The following ATAD2B variants were observed in gnomAD, a reference collection of about 807,000 sequenced individuals.
ATAD2B encodes the protein ATPase family AAA domain-containing protein 2B.
Under a neutral mutation model 167.6 loss-of-function variants are expected in ATAD2B, and 40 were observed. The ratio of observed to expected loss-of-function variants is 0.24; its 90% CI spans 0.19 to 0.31. ATAD2B has a LOEUF of 0.31. ATAD2B is among the 10% of genes least tolerant of loss of function. The pLI, the probability that ATAD2B is intolerant of heterozygous loss-of-function variation, is 1.00. For missense variants in ATAD2B, 1,242 were observed against 1,757.2 expected (o/e 0.71, Z 5.24); for synonymous variants, 579 against 596.5 (o/e 0.97, Z 0.43).
At chr2:23,725,091 T>C in the ATAD2B span, among the ~76,000 whole-genome samples, 1 of 143,324 alleles carries the variant, frequency 7.0e-6, no homozygotes, top group African/African-American at 2.6e-5. Context: ...ATGCATTATA[T>C]ATAAATCATA....
chr2:23,696,252 C>T, the ATAD2B span: 3 of 1,491,392 alleles, frequency 2.0e-6, no homozygotes, highest in Middle Eastern at 2.1e-4. This position sits in a 1 kb window ranked among gnomAD's most constrained non-coding sequence, Gnocchi z 5.5. Context: ...TGAAGCCTTC[C>T]TCTGCCCCTG....
the ATAD2B span, among the ~76,000 whole-genome samples, chr2:23,710,507 A>G: frequency 6.6e-6 from 1 of 152,204 alleles, no homozygotes; most frequent in African/African-American, 2.4e-5. Context: ...TTTAGAGAGC[A>G]GTGAGGCAGA....
At chr2:23,836,808 A>G (rs1690056824) in intron 13 of ATAD2B, among the ~76,000 whole-genome samples, 2 of 151,954 alleles carry the variant, frequency 1.3e-5, no homozygotes, top group Non-Finnish European at 2.9e-5. Context: ...GGTCCTCCTG[A>G]TGTCCACTTA....
intron 26 of ATAD2B, 24 bp downstream of exon 26, chr2:23,754,623 T>C: frequency 6.2e-7 from 1 of 1,602,542 alleles, no homozygotes; most frequent in Middle Eastern, 1.7e-4. Flanking sequence ...CATTTAAAAC[T>C]TGACTGGGAA....
the ATAD2B span, among the ~76,000 whole-genome samples, chr2:23,714,085 T>A: frequency 5.0e-4 from 76 of 152,292 alleles, no homozygotes; most frequent in African/African-American, 1.7e-3. Context: ...GGTCCAAGTT[T>A]TCTTCTCTTC....
intron 14 of ATAD2B, among the ~76,000 whole-genome samples, chr2:23,830,719 A>C (rs1688914714): frequency 6.6e-6 from 1 of 152,164 alleles, no homozygotes; most frequent in South Asian, 2.1e-4. Flanking sequence ...ATACTAAAAA[A>C]AGAAGGTCCA....
the ATAD2B span, chr2:23,696,097 A>G: frequency 6.4e-7 from 1 of 1,551,786 alleles, no homozygotes; most frequent in East Asian, 2.4e-5. This position sits in a 1 kb window ranked among gnomAD's most constrained non-coding sequence, Gnocchi z 5.5. Context: ...CGAGTTCTTC[A>G]GTGTAGTGAG....
the ATAD2B span, among the ~76,000 whole-genome samples, chr2:23,721,659 C>T: frequency 1.3e-5 from 2 of 152,130 alleles, no homozygotes; most frequent in Non-Finnish European, 2.9e-5. Context: ...ACCCAGAAGA[C>T]AGACTCCAGG....
intron 22 of ATAD2B, among the ~76,000 whole-genome samples, chr2:23,768,735 C>T (rs1023725911): frequency 1.3e-5 from 2 of 152,130 alleles, no homozygotes; most frequent in African/African-American, 2.4e-5. Context: ...ATTATATATA[C>T]GAGTGGAATC....
the ATAD2B span, chr2:23,703,743 C>A: frequency 1.2e-5 from 18 of 1,537,096 alleles, no homozygotes; most frequent in Non-Finnish European, 1.5e-5. Context: ...CCCGCTGTCA[C>A]GCTCAATGGC....
the ATAD2B span, among the ~76,000 whole-genome samples, chr2:23,720,594 A>AAAAAG: frequency 1.3e-5 from 2 of 150,224 alleles, no homozygotes; most frequent in African/African-American, 2.4e-5. Flanking sequence ...AAAAAAAAAA[A>AAAAAG]GTTAAGAGGG....
chr2:23,917,685 G>C (rs117430390), intron 1 of ATAD2B, among the ~76,000 whole-genome samples: 103 of 151,920 alleles, frequency 6.8e-4, no homozygotes, highest in East Asian at 6.0e-3. Flanking sequence ...CCAGCTACTC[G>C]GCAGGCTGAG....
intron 1 of ATAD2B, among the ~76,000 whole-genome samples, chr2:23,920,054 G>A (rs1228338492): frequency 6.6e-6 from 1 of 151,878 alleles, no homozygotes. Flanking sequence ...AGGAGGCTGA[G>A]GCAGGAGAAT....
intron 2 of ATAD2B, among the ~76,000 whole-genome samples, chr2:23,889,237 G>A (rs1233325565): frequency 1.3e-5 from 2 of 151,968 alleles, no homozygotes; most frequent in Admixed American, 6.6e-5. Flanking sequence ...GCGCGATCTC[G>A]GCTTACTGCT....
At chr2:23,909,020 T>C (rs1332728148) in intron 1 of ATAD2B, among the ~76,000 whole-genome samples, 5 of 148,242 alleles carry the variant, frequency 3.4e-5, no homozygotes, top group Non-Finnish European at 7.5e-5. Context: ...TTGGGAGATA[T>C]ACCTAATGCT....
At chr2:23,763,881 C>G (rs988719002) in intron 23 of ATAD2B, among the ~76,000 whole-genome samples, 2 of 152,194 alleles carry the variant, frequency 1.3e-5, no homozygotes, top group Non-Finnish European at 2.9e-5. Context: ...CGTGAGCCAC[C>G]ATGTTCAGCC....
intron 9 of ATAD2B, 92 bp downstream of exon 9, chr2:23,869,571 G>A: frequency 2.4e-6 from 2 of 847,122 alleles, no homozygotes; most frequent in Non-Finnish European, 3.9e-6. Context: ...TAAAATATGT[G>A]TTGAATATCA....
chr2:23,758,081 T>C lies in ATAD2B; in HGVS notation c.3415A>G (p.Arg1139Gly). Residue 1139 changes from arginine to glycine, a missense_variant, in exon 25 of 28, where the codon AGG becomes GGG. Arg to Gly is a moderately radical substitution (Grantham distance 125). Around this residue, in one of 9 missense-constraint regions of ATAD2B, gnomAD observed 204 missense variants for 324.0 expected, o/e 0.63. Coordinates refer to ENST00000238789, the MANE Select transcript of ATAD2B (RefSeq NM_017552.4). ...KCAFRVRRKS[R>G]RRSQWGKGII... ...CCTTTACCCCACTGTGATCTCCGCC[T>C]TGATTTTCTCCGAACCCGAACTGTT... The C allele has an allele frequency of 6.3e-7, 1 of 1,579,668 alleles. No individual in the cohort carries two copies. The highest frequency in any genetic ancestry group is 8.5e-7 in the Non-Finnish European group (1 of 1,171,594).
At chr2:23,727,479 C>T in the ATAD2B span, among the ~76,000 whole-genome samples, 1 of 152,158 alleles carries the variant, frequency 6.6e-6, no homozygotes, top group South Asian at 2.1e-4. Context: ...CAAAATAACA[C>T]AGCAACTTTG....
Sources: allele counts gnomAD v4.1 joint callset (sites outside exome capture counted in the v4.1 genomes callset), GRCh38; gene constraint gnomAD v4.1.1; regional missense constraint gnomAD v4.1.1; non-coding constraint Gnocchi (gnomAD v3.1); transcripts MANE v1.5; gene names NCBI Gene and HGNC (gene_info 2026-07-23, HGNC 2026-07-21).